Variants in DLGAP2 observed in about 807,000 individuals in gnomAD.
DLGAP2 encodes disks large-associated protein 2.
In DLGAP2, 26 loss-of-function variants were observed where a neutral mutation model predicts 100.3. The observed-to-expected ratio is 0.26, with a 90% CI of 0.19 to 0.36. The LOEUF (loss-of-function observed/expected upper bound fraction) is 0.36, where lower values mean the gene tolerates loss of function less well. DLGAP2 is among the 10% of genes least tolerant of loss of function. The pLI is 1.00. For synonymous variants in DLGAP2, 886 were observed against 630.1 expected (o/e 1.41, Z -6.08); for missense variants, 1,858 against 1,453.2 (o/e 1.28, Z -4.53).
chr8:1,302,362 A>G (rs1800372508), intron 3 of DLGAP2: 1 of 101,408 alleles, frequency 9.9e-6, no homozygotes. Flanking sequence ...ATTTTCTGTG[A>G]GTTCCCGAGC....
At chr8:961,228 A>G (rs938443078) in intron 2 of DLGAP2, among the ~76,000 whole-genome samples, 1 of 152,220 alleles carries the variant, frequency 6.6e-6, no homozygotes, top group African/African-American at 2.4e-5. Context: ...ACTGACTTCT[A>G]TCATGTGGCT....
At chr8:1,090,457 G>T (rs867600814) in intron 2 of DLGAP2, among the ~76,000 whole-genome samples, 1 of 152,246 alleles carries the variant, frequency 6.6e-6, no homozygotes, top group East Asian at 1.9e-4. Flanking sequence ...CTTAGCTTTT[G>T]ACCACGACAG....
chr8:1,349,827 T>G (rs1378288440), intron 3 of DLGAP2, among the ~76,000 whole-genome samples: 1 of 152,266 alleles, frequency 6.6e-6, no homozygotes, highest in South Asian at 2.1e-4. Context: ...TGAATTGCTC[T>G]AACAACTTTT....
chr8:1,045,839 G>T (rs1802498421), intron 2 of DLGAP2, among the ~76,000 whole-genome samples: 2 of 152,176 alleles, frequency 1.3e-5, no homozygotes. Flanking sequence ...ATTTCTAGGT[G>T]ACTCGCCATA....
intron 2 of DLGAP2, among the ~76,000 whole-genome samples, chr8:1,061,334 A>T (rs145147519): frequency 5.1e-4 from 78 of 152,282 alleles, no homozygotes; most frequent in Non-Finnish European, 1.0e-3. Context: ...GGTTTCTACC[A>T]TCAGCTTTCT....
intron 3 of DLGAP2, among the ~76,000 whole-genome samples, chr8:1,310,020 C>G (rs529979213): frequency 1.4e-5 from 2 of 143,270 alleles, no homozygotes; most frequent in African/African-American, 2.7e-5. Flanking sequence ...ATTTGAACCA[C>G]TGTATACCAG....
At chr8:1,120,720 C>G (rs1332316279) in intron 2 of DLGAP2, among the ~76,000 whole-genome samples, 1 of 152,032 alleles carries the variant, frequency 6.6e-6, no homozygotes, top group Non-Finnish European at 1.5e-5. Flanking sequence ...ACCGCCCATT[C>G]TAGACTTTGC....
chr8:1,140,401 C>T (rs930419555), intron 2 of DLGAP2, among the ~76,000 whole-genome samples: 7 of 152,172 alleles, frequency 4.6e-5, no homozygotes, highest in Non-Finnish European at 7.3e-5. Context: ...ATGCCTCATG[C>T]CCTAGGGTGC....
intron 3 of DLGAP2, among the ~76,000 whole-genome samples, chr8:1,451,323 A>G (rs7834824): frequency 0.51 from 77,960 of 151,892 alleles, 20,650 homozygotes; most frequent in East Asian, 0.85. Flanking sequence ...GGAGGCAGCC[A>G]AGGCCGGCAC....
intron 1 of DLGAP2, among the ~76,000 whole-genome samples, chr8:804,905 C>T (rs1277886295): frequency 1.3e-5 from 2 of 152,122 alleles, no homozygotes; most frequent in African/African-American, 2.4e-5. Context: ...GCTGGGACTG[C>T]AGGTGTGCAC....
chr8:1,410,534 T>C, intron 3 of DLGAP2, among the ~76,000 whole-genome samples: 1 of 152,242 alleles, frequency 6.6e-6, no homozygotes, highest in Non-Finnish European at 1.5e-5. Context: ...TGCAGGCTAC[T>C]GCATTTCCGC....
At chr8:950,028 C>T (rs1216505252) in intron 2 of DLGAP2, among the ~76,000 whole-genome samples, 1 of 152,206 alleles carries the variant, frequency 6.6e-6, no homozygotes, top group African/African-American at 2.4e-5. Flanking sequence ...CAATGTGTCC[C>T]GTCTTGCTTC....
intron 1 of DLGAP2, among the ~76,000 whole-genome samples, chr8:883,543 A>G (rs1293198405): frequency 6.7e-6 from 1 of 149,872 alleles, no homozygotes; most frequent in Non-Finnish European, 1.5e-5. Context: ...GGATACATGT[A>G]CAGAATGTGC....
At chr8:988,476 G>A (rs59186541) in intron 2 of DLGAP2, among the ~76,000 whole-genome samples, 3,095 of 152,220 alleles carry the variant, frequency 0.02, 85 homozygotes, top group African/African-American at 0.061. Context: ...GGGATGTGGC[G>A]TCTTCTTTTT....
intron 2 of DLGAP2, among the ~76,000 whole-genome samples, chr8:946,493 G>C (rs910123457): frequency 3.9e-5 from 6 of 152,242 alleles, no homozygotes; most frequent in Admixed American, 2.0e-4. Context: ...TCGATCTCCT[G>C]ACCTTGTGAT....
intron 3 of DLGAP2, among the ~76,000 whole-genome samples, chr8:1,425,710 C>A (rs577464389): frequency 4.6e-5 from 7 of 152,230 alleles, no homozygotes; most frequent in Admixed American, 3.3e-4. Context: ...AGGGAACTGG[C>A]CCCTGTGGGC....
In DLGAP2 at chr8:1,606,664, A is replaced by G. The variant is rs1400531217; in HGVS notation, c.1443-20076A>G. Among the ~76,000 whole-genome samples, 3 of 152,176 alleles carry G rather than the reference A, an allele frequency of 2.0e-5. No individual in the cohort carries two copies. The South Asian group carries it at 6.2e-4, about 32-fold the overall frequency. On this transcript the variant is annotated intron_variant, in intron 6 of 14. Coordinates refer to ENST00000637795, the MANE Select transcript of DLGAP2 (RefSeq NM_001346810.2). Reference sequence around the variant, plus strand: ...TTGTTTCCTTTTGGAGGCTATTATGAATAATTCTGCTATGACCATTATTCT... The same window carrying G: ...TTGTTTCCTTTTGGAGGCTATTATGGATAATTCTGCTATGACCATTATTCT...
chr8:770,727 G>A (rs1821334403), intron 1 of DLGAP2, among the ~76,000 whole-genome samples: 2 of 152,110 alleles, frequency 1.3e-5, no homozygotes, highest in Non-Finnish European at 2.9e-5. Context: ...GGTTCAGGGG[G>A]TTATGCTTGC....
At chr8:1,099,141 T>C (rs1413266845) in intron 2 of DLGAP2, among the ~76,000 whole-genome samples, 1 of 152,206 alleles carries the variant, frequency 6.6e-6, no homozygotes, top group African/African-American at 2.4e-5. Context: ...CCGGTGTTCC[T>C]GGCTTCCTGC....
Sources: allele counts gnomAD v4.1 joint callset (sites outside exome capture counted in the v4.1 genomes callset), GRCh38; gene constraint gnomAD v4.1.1; transcripts MANE v1.5; gene names NCBI Gene and HGNC (gene_info 2026-07-23, HGNC 2026-07-21).